Variants in AGBL4 observed in about 807,000 individuals in gnomAD.
AGBL4 encodes AGBL carboxypeptidase 4.
AGBL4 carries 58 observed loss-of-function variants against 66.4 expected under a neutral mutation model. That is an observed-to-expected ratio of 0.87 (90% confidence interval 0.71 to 1.09). AGBL4 has a LOEUF of 1.09. Among genes scored for constraint, AGBL4 ranks in the 50% least tolerant of loss-of-function variants. AGBL4 has a pLI of 0.00. For synonymous variants in AGBL4, 234 were observed against 222.9 expected (o/e 1.05, Z -0.44); for missense variants, 579 against 631.0 (o/e 0.92, Z 0.88).
chr1:49,372,679 CTCTT>C (rs1169488619), intron 3 of AGBL4, among the ~76,000 whole-genome samples: 4 of 90,198 alleles, frequency 4.4e-5, no homozygotes, highest in African/African-American at 1.7e-4. Flanking sequence ...TTCTTTCTTT[CTCTT>C]TCTTTCTCTT....
intron 3 of AGBL4, among the ~76,000 whole-genome samples, chr1:49,510,063 G>C (rs1385423651): frequency 6.6e-6 from 1 of 151,970 alleles, no homozygotes; most frequent in Admixed American, 6.6e-5. Flanking sequence ...CAGGAGGAAT[G>C]TTTAATATAA....
intron 4 of AGBL4, among the ~76,000 whole-genome samples, chr1:49,096,199 GAGA>G (rs1185320343): frequency 1.4e-4 from 21 of 151,930 alleles, no homozygotes; most frequent in Non-Finnish European, 2.8e-4. Flanking sequence ...ACAGGTGCTG[GAGA>G]AGATGTGGAG....
At chr1:48,527,248 G>T in the AGBL4 span, among the ~76,000 whole-genome samples, 1 of 152,042 alleles carries the variant, frequency 6.6e-6, no homozygotes, top group South Asian at 2.1e-4. Context: ...CCTGAACTTT[G>T]CCCCCAAAGA....
chr1:48,754,276 G>A (rs1652191591), intron 6 of AGBL4, among the ~76,000 whole-genome samples: 1 of 152,110 alleles, frequency 6.6e-6, no homozygotes, highest in South Asian at 2.1e-4. Context: ...GGTCTCTATT[G>A]TTCTGCTTCC....
At chr1:49,595,526 T>C (rs1167628505) in intron 3 of AGBL4, among the ~76,000 whole-genome samples, 1 of 152,110 alleles carries the variant, frequency 6.6e-6, no homozygotes, top group Non-Finnish European at 1.5e-5. Context: ...AATCATCTAG[T>C]ATTACAAGGA....
chr1:49,915,974 G>C (rs1651430102), intron 1 of AGBL4, among the ~76,000 whole-genome samples: 1 of 152,092 alleles, frequency 6.6e-6, no homozygotes, highest in Non-Finnish European at 1.5e-5. Flanking sequence ...AGGCAAACAG[G>C]GTCTGGAGTG....
At chr1:49,827,183 G>C (rs1645532453) in intron 2 of AGBL4, among the ~76,000 whole-genome samples, 1 of 152,040 alleles carries the variant, frequency 6.6e-6, no homozygotes. Flanking sequence ...GAAAATCACA[G>C]TACCTAAAGA....
intron 3 of AGBL4, among the ~76,000 whole-genome samples, chr1:49,657,960 G>C (rs1646180986): frequency 6.6e-6 from 1 of 152,190 alleles, no homozygotes; most frequent in Non-Finnish European, 1.5e-5. Context: ...AGGACTTCAT[G>C]TCTAAAACAC....
Position 48,927,582 on chromosome 1 carries a change from G to A in AGBL4, c.595-60352C>T, listed in dbSNP as rs567407005. Among the ~76,000 whole-genome samples, 21 of 152,236 alleles carry A rather than the reference G, an allele frequency of 1.4e-4. No homozygotes were observed. In the East Asian group the frequency reaches 2.9e-3, roughly 21 times the overall value. Reference sequence around the variant, plus strand: ...GTGTGGAGTGAGGATGAAGTCCCACGAAAGAATATGGAAGACAGGCACATT... The same window carrying A: ...GTGTGGAGTGAGGATGAAGTCCCACAAAAGAATATGGAAGACAGGCACATT... On this transcript the variant is annotated intron_variant, in intron 5 of 13. Transcript: ENST00000371839.
chr1:49,604,757 C>T (rs1280941448), intron 3 of AGBL4, among the ~76,000 whole-genome samples: 1 of 152,036 alleles, frequency 6.6e-6, no homozygotes, highest in Admixed American at 6.6e-5. Flanking sequence ...TCTCTCTCCC[C>T]CATTTCCCTC....
At chr1:49,790,901 A>G (rs959243410) in intron 2 of AGBL4, among the ~76,000 whole-genome samples, 9 of 152,236 alleles carry the variant, frequency 5.9e-5, no homozygotes, top group Non-Finnish European at 1.0e-4. Context: ...TAATTGTCTT[A>G]ATAGCCAATT....
At chr1:49,714,593 T>TATATATATATATATATATAC (rs1491300456) in intron 2 of AGBL4, among the ~76,000 whole-genome samples, 14 of 113,986 alleles carry the variant, frequency 1.2e-4, no homozygotes, top group African/African-American at 4.4e-4. Flanking sequence ...TATATATATA[T>TATATATATATATATATATAC]ACACACACAC....
intron 6 of AGBL4, among the ~76,000 whole-genome samples, chr1:48,809,132 G>A (rs1214701902): frequency 1.3e-5 from 2 of 152,170 alleles, no homozygotes; most frequent in East Asian, 3.9e-4. Flanking sequence ...TTTAGGGAAG[G>A]AGGAGGGTAA....
chr1:49,941,994 T>G (rs1415815949), intron 1 of AGBL4, among the ~76,000 whole-genome samples: 1 of 152,106 alleles, frequency 6.6e-6, no homozygotes, highest in Non-Finnish European at 1.5e-5. Flanking sequence ...TTATAACAAC[T>G]AATAAAGTAA....
At chr1:48,683,902 C>A (rs941770842) in intron 6 of AGBL4, among the ~76,000 whole-genome samples, 49 of 152,222 alleles carry the variant, frequency 3.2e-4, no homozygotes, top group African/African-American at 1.1e-3. Context: ...CCTAAGTCAT[C>A]CTTCCAGTTT....
intron 1 of AGBL4, among the ~76,000 whole-genome samples, chr1:49,880,074 C>G (rs997093627): frequency 9.2e-5 from 14 of 151,820 alleles, no homozygotes; most frequent in African/African-American, 3.4e-4. Flanking sequence ...AAATTTTTTT[C>G]AAAGTCTTCA....
At chr1:48,975,851 T>A (rs2148958662) in intron 5 of AGBL4, among the ~76,000 whole-genome samples, 1 of 152,282 alleles carries the variant, frequency 6.6e-6, no homozygotes, top group African/African-American at 2.4e-5. Context: ...GAAATCTGCA[T>A]GGCACGCTGG....
At chr1:48,879,481 T>TCGTGAACCCGGGA (rs1558061098) in intron 5 of AGBL4, among the ~76,000 whole-genome samples, 4 of 152,214 alleles carry the variant, frequency 2.6e-5, no homozygotes, top group African/African-American at 9.6e-5. Flanking sequence ...AGACAAGAAT[T>TCGTGAACCCGGGA]AGAAAAGTGA....
chr1:49,470,681 T>C (rs1453278986), intron 3 of AGBL4, among the ~76,000 whole-genome samples: 4 of 152,010 alleles, frequency 2.6e-5, no homozygotes, highest in Non-Finnish European at 5.9e-5. Flanking sequence ...TTACTACCCC[T>C]TCCCATGGCA....
Sources: gnomAD v4.1 joint callset for allele counts (sites outside exome capture counted in the v4.1 genomes callset) on GRCh38, gnomAD v4.1.1 for gene constraint, MANE v1.5 for transcripts, NCBI Gene and HGNC (gene_info 2026-07-23, HGNC 2026-07-21) for gene names.